Variants in TMEM245 observed in about 807,000 individuals in gnomAD.
TMEM245 encodes the protein protein CG-2.
Under a neutral mutation model 101.2 loss-of-function variants are expected in TMEM245, and 69 were observed. The ratio of observed to expected loss-of-function variants is 0.68; its 90% CI spans 0.56 to 0.83. TMEM245 has a LOEUF of 0.83. Among genes scored for constraint, TMEM245 ranks in the 40% least tolerant of loss-of-function variants. TMEM245 has a pLI of 0.00. For synonymous variants in TMEM245, 537 were observed against 449.8 expected, an observed-to-expected ratio of 1.19 and a Z score of -2.45; for missense variants, 1,075 against 1,092.8, an observed-to-expected ratio of 0.98 and a Z score of 0.23.
chr9:109,064,652 C>A, intron 9 of TMEM245, 85 bp from the exon 10 acceptor site: 2 of 1,079,280 alleles, frequency 1.9e-6, no homozygotes, highest in South Asian at 1.4e-5. Flanking sequence ...ATGCTTAATC[C>A]ATAACAGACA....
chr9:109,046,952 C>A (rs1447497649), intron 14 of TMEM245, among the ~76,000 whole-genome samples: 48 of 152,122 alleles, frequency 3.2e-4, no homozygotes, highest in Non-Finnish European at 8.8e-5. Context: ...AAAATCTGTA[C>A]ATTTTAAGTC....
chr9:109,061,736 T>A (rs544323732), intron 10 of TMEM245, among the ~76,000 whole-genome samples: 3 of 152,052 alleles, frequency 2.0e-5, no homozygotes, highest in African/African-American at 4.8e-5. Flanking sequence ...ACCCAGTTAA[T>A]TTTTGTATTT....
At chr9:109,045,174 T>C (rs1828447808) in intron 14 of TMEM245, among the ~76,000 whole-genome samples, 1 of 152,202 alleles carries the variant, frequency 6.6e-6, no homozygotes, top group Admixed American at 6.5e-5. Context: ...ACTTATGCCT[T>C]CTAAGTAATT....
intron 15 of TMEM245, among the ~76,000 whole-genome samples, chr9:109,037,021 A>G (rs551129152): frequency 6.6e-6 from 1 of 152,286 alleles, no homozygotes; most frequent in African/African-American, 2.4e-5. Context: ...AGGTTTGTGG[A>G]CATCACAGTA....
intron 7 of TMEM245, 94 bp downstream of exon 7, chr9:109,085,903 G>GTT: frequency 7.2e-7 from 1 of 1,389,526 alleles, no homozygotes. Context: ...CAAAAACTTA[G>GTT]TTTGACACAT....
At chr9:109,088,405 T>G (rs1829902540) in intron 5 of TMEM245, among the ~76,000 whole-genome samples, 1 of 152,184 alleles carries the variant, frequency 6.6e-6, no homozygotes, top group Admixed American at 6.5e-5. Flanking sequence ...GTCAAATTCC[T>G]ATGATGACTA....
intron 14 of TMEM245, among the ~76,000 whole-genome samples, chr9:109,048,076 G>A (rs893576866): frequency 8.5e-5 from 13 of 152,150 alleles, no homozygotes; most frequent in Admixed American, 2.6e-4. Flanking sequence ...TACTTCCTTC[G>A]AAACAGCTTC....
At chr9:109,025,740 T>C (rs940205318) in intron 17 of TMEM245, among the ~76,000 whole-genome samples, 2 of 147,842 alleles carry the variant, frequency 1.4e-5, no homozygotes, top group African/African-American at 5.0e-5. Flanking sequence ...AGGGGTGTTT[T>C]TGCCTTTCCC....
intron 17 of TMEM245, among the ~76,000 whole-genome samples, chr9:109,025,269 A>C (rs1347861957): frequency 6.6e-6 from 1 of 152,162 alleles, no homozygotes; most frequent in East Asian, 1.9e-4. Flanking sequence ...ATGGGGTTTC[A>C]CCATGTTGCT....
chr9:109,083,678 T>C (rs1260020467), intron 7 of TMEM245, among the ~76,000 whole-genome samples: 1 of 151,708 alleles, frequency 6.6e-6, no homozygotes, highest in Non-Finnish European at 1.5e-5. Flanking sequence ...TTCTCTTTCA[T>C]TATTCTGGGC....
At chr9:109,049,954 T>A (rs1399110009) in intron 14 of TMEM245, among the ~76,000 whole-genome samples, 1 of 152,192 alleles carries the variant, frequency 6.6e-6, no homozygotes, top group Non-Finnish European at 1.5e-5. Flanking sequence ...CAAGCCCAGA[T>A]AATTTTTAAA....
chr9:109,034,170 A>T (rs1828050864), intron 16 of TMEM245, among the ~76,000 whole-genome samples: 3 of 152,218 alleles, frequency 2.0e-5, no homozygotes, highest in Admixed American at 1.3e-4. Context: ...AGGACCACTG[A>T]CATCAGAAGG....
At chr9:109,112,942 G>A (rs1228456979) in intron 1 of TMEM245, among the ~76,000 whole-genome samples, 1 of 151,720 alleles carries the variant, frequency 6.6e-6, no homozygotes, top group Non-Finnish European at 1.5e-5. Context: ...TGGGCATGGT[G>A]GCAGATGCCT....
At chr9:109,045,210 C>T (rs1180425272) in intron 14 of TMEM245, among the ~76,000 whole-genome samples, 1 of 152,160 alleles carries the variant, frequency 6.6e-6, no homozygotes, top group Non-Finnish European at 1.5e-5. Context: ...AAATCTCTCT[C>T]TACCCACCCC....
At chr9:109,030,055 C>G (rs1376316715) in intron 17 of TMEM245, among the ~76,000 whole-genome samples, 1 of 152,118 alleles carries the variant, frequency 6.6e-6, no homozygotes, top group Admixed American at 6.5e-5. Flanking sequence ...CCAGTATCAC[C>G]GTTTGTTTTG....
chr9:109,049,062 G>C (rs1350660821), intron 14 of TMEM245, among the ~76,000 whole-genome samples: 2 of 152,192 alleles, frequency 1.3e-5, no homozygotes, highest in Admixed American at 1.3e-4. Flanking sequence ...GTTGGAGATG[G>C]GGGTGGTGGA....
At chr9:109,099,356 C>T (rs181206074) in intron 3 of TMEM245, among the ~76,000 whole-genome samples, 315 of 152,322 alleles carry the variant, frequency 2.1e-3, no homozygotes, top group South Asian at 4.4e-3. Flanking sequence ...CTTGTTCACT[C>T]ATATCTCATG....
At chr9:109,061,096 G>A (rs1173633517) in intron 10 of TMEM245, among the ~76,000 whole-genome samples, 1 of 152,198 alleles carries the variant, frequency 6.6e-6, no homozygotes, top group African/African-American at 2.4e-5. Flanking sequence ...TGGGCAGATC[G>A]CTTGAACCCA....
At chr9:109,114,112 ACCT>A (rs1349496497) in intron 1 of TMEM245, among the ~76,000 whole-genome samples, 1 of 151,640 alleles carries the variant, frequency 6.6e-6, no homozygotes, top group Non-Finnish European at 1.5e-5. Flanking sequence ...ACAACTACAA[ACCT>A]CCTCCCAAGT....
Sources: gnomAD v4.1 joint callset for allele counts (sites outside exome capture counted in the v4.1 genomes callset) on GRCh38, gnomAD v4.1.1 for gene constraint, MANE v1.5 for transcripts, NCBI Gene and HGNC (gene_info 2026-07-23, HGNC 2026-07-21) for gene names.